Variants in RNF20 observed in about 807,000 individuals in gnomAD.
The protein encoded by RNF20 is E3 ubiquitin-protein ligase BRE1A.
In RNF20, 84 loss-of-function variants were observed where a neutral mutation model predicts 126.2. That is an observed-to-expected ratio of 0.67 (90% confidence interval 0.56 to 0.80). The LOEUF (loss-of-function observed/expected upper bound fraction) is 0.80. RNF20 is among the 30% of genes least tolerant of loss of function. The pLI is 0.00. For missense variants in RNF20, 869 were observed against 1,188.2 expected (o/e 0.73, Z 3.95); for synonymous variants, 400 against 414.3 (o/e 0.97, Z 0.42).
In RNF20 at chr9:101,561,131, A is replaced by G. The variant is rs1218589754; in HGVS notation, c.2550A>G (p.Gln850=). The G allele has an allele frequency of 1.9e-6, 3 of 1,613,920 alleles. No homozygotes were observed. The highest frequency in any genetic ancestry group is 2.5e-6 in the Non-Finnish European group (3 of 1,179,826). The stretch of plus-strand genomic sequence containing the variant: ...AGCTTGCAGATGACCTCAAAGCACA[A>G]CTGGAGTTGGCTCAGAAGAAGCTAC... ...AAQLADDLKA[Q]LELAQKKLHD... Residue 850 remains glutamine, a synonymous_variant, in exon 18 of 20, where the codon CAA becomes CAG. Transcript: ENST00000389120.
intron 6 of RNF20, among the ~76,000 whole-genome samples, chr9:101,546,586 T>C (rs892448997): frequency 1.3e-5 from 2 of 152,188 alleles, no homozygotes; most frequent in Admixed American, 6.5e-5. Context: ...TCTTAGGTGG[T>C]CTTTTCTTTG....
chr9:101,551,153 GAGA>G (rs1216928453), intron 10 of RNF20, among the ~76,000 whole-genome samples: 8 of 152,144 alleles, frequency 5.3e-5, no homozygotes, highest in East Asian at 1.9e-4. Flanking sequence ...TTGAAAGTAG[GAGA>G]AGAAGAATTC....
intron 2 of RNF20, among the ~76,000 whole-genome samples, chr9:101,537,337 A>G (rs1018909354): frequency 2.0e-5 from 3 of 152,168 alleles, no homozygotes. Flanking sequence ...TTTTGAAAGT[A>G]ATGGAATTTT....
intron 16 of RNF20, among the ~76,000 whole-genome samples, chr9:101,558,006 C>CTTTT (rs200617735): frequency 1.3e-4 from 17 of 127,654 alleles, no homozygotes; most frequent in Admixed American, 7.8e-4. Context: ...TGTGATTTTA[C>CTTTT]TTTTTTTTTT....
chr9:101,553,955 A>G lies in RNF20; in HGVS notation c.1902-33A>G, dbSNP rs746672372. 8.1e-6 allele frequency: 10 copies of G among 1,232,470 alleles called. 1 individual carries two copies. The South Asian group carries it at 1.1e-4, about 14-fold the overall frequency. 76.3% of individuals were successfully genotyped at this position (1,232,470 alleles called of 1,614,324 possible). On this transcript the variant is annotated intron_variant, in intron 13 of 19. Coordinates refer to ENST00000389120, the MANE Select transcript of RNF20 (RefSeq NM_019592.7). Reference sequence around the variant, plus strand: ...CTGATGACCTTTATTTTCTTATTACATTGTTCCCCTCCCTCTACTACGCCT... The same window carrying G: ...CTGATGACCTTTATTTTCTTATTACGTTGTTCCCCTCCCTCTACTACGCCT...
chr9:101,559,150 A>G (rs1186147640), intron 16 of RNF20, among the ~76,000 whole-genome samples: 1 of 152,170 alleles, frequency 6.6e-6, no homozygotes, highest in East Asian at 1.9e-4. Context: ...CATTTGTTGA[A>G]TAGGGTGTCC....
At chr9:101,534,643 T>C (rs1037690171) in intron 1 of RNF20, among the ~76,000 whole-genome samples, 4 of 152,206 alleles carry the variant, frequency 2.6e-5, no homozygotes, top group African/African-American at 9.7e-5. Flanking sequence ...AACTGAGGCT[T>C]AGAGATGATA....
chr9:101,544,560 T>G (rs1588218758), intron 5 of RNF20, among the ~76,000 whole-genome samples: 1 of 151,802 alleles, frequency 6.6e-6, no homozygotes, highest in East Asian at 1.9e-4. Flanking sequence ...ACAAAAATCA[T>G]CCGGGTGTGG....
Position 101,551,670 on chromosome 9 carries a change from TTATC to T in RNF20, c.1273-12_1273-9del. The T allele has an allele frequency of 7.7e-7, 1 of 1,306,860 alleles. No homozygotes were observed. Among genetic ancestry groups the T allele is most frequent in the Non-Finnish European group, 9.9e-7 (1 of 1,005,618 alleles). The allele number at this position is 1,306,860 out of a possible 1,614,324, so 81.0% of individuals were successfully genotyped here. ...AATAAGAATTTTTTTATTGGTTCCT[TTATC>T]TGTGTGTAGCGAGATGAGGTTAGTC... is the stretch of plus-strand genomic sequence containing the variant. On this transcript the variant is annotated splice_polypyrimidine_tract_variant and intron_variant, in intron 10 of 19. Transcript: ENST00000389120.
At chr9:101,562,046 C>G (rs1268249918) in intron 19 of RNF20, 35 bp downstream of exon 19, 1 of 1,498,896 alleles carries the variant, frequency 6.7e-7, no homozygotes, top group African/African-American at 1.4e-5. Flanking sequence ...AGTTTTTTGT[C>G]AAAGCTTTAA....
Position 101,552,349 on chromosome 9 carries a change from G to A in RNF20, c.1531-34G>A, listed in dbSNP as rs566871017. The A allele has an allele frequency of 8.2e-4, 1,313 of 1,609,562 alleles. 16 individuals are homozygous for A. The South Asian group carries it at 0.014, about 17-fold the overall frequency. On this transcript the variant is annotated intron_variant, in intron 12 of 19. Transcript: ENST00000389120. ...GAGGTCGGCAATGTGGTTATCATAA[G>A]AGATGTGCATCTTTCTTTTCTTTAT...
chr9:101,540,223 A>G lies in RNF20; in HGVS notation c.150A>G (p.Thr50=). The G allele has an allele frequency of 6.2e-7, 1 of 1,614,186 alleles. No homozygotes were observed. The change falls in exon 3 of 20, where the codon ACA becomes ACG. Residue 50 remains threonine, a synonymous_variant. Coordinates refer to ENST00000389120, the MANE Select transcript of RNF20 (RefSeq NM_019592.7). ...GGCAGGAGGAACTAGACATTAGAAC[A>G]CTGCAAACCAAAAATCGCAAGCTGG... ...VSSTEELDIR[T]LQTKNRKLAE... is the part of the protein sequence containing the mutation.
intron 15 of RNF20, among the ~76,000 whole-genome samples, 155 bp from the exon 16 acceptor site, chr9:101,557,229 G>A (rs1827549899): frequency 6.6e-6 from 1 of 152,198 alleles, no homozygotes; most frequent in Non-Finnish European, 1.5e-5. Flanking sequence ...AGATAATAGA[G>A]CTTCTGTATG....
chr9:101,540,378 A>C lies in RNF20; in HGVS notation c.297+8A>C. On this transcript the variant is annotated splice_region_variant and intron_variant, in intron 3 of 19. Coordinates refer to ENST00000389120, the MANE Select transcript of RNF20 (RefSeq NM_019592.7). The stretch of plus-strand genomic sequence containing the variant: ...AACCGATACTGGAGTCAGGTAGCTA[A>C]CTTGTTTATTTGTTCAGATTTTTAT... 1 of 1,613,948 alleles carries C rather than the reference A, an allele frequency of 6.2e-7. No homozygotes were observed.
At chr9:101,560,186 A>G (rs558921000) in intron 16 of RNF20, among the ~76,000 whole-genome samples, 2 of 152,144 alleles carry the variant, frequency 1.3e-5, no homozygotes, top group African/African-American at 2.4e-5. Context: ...TTCTGTTTAT[A>G]TGGTGTATCA....
chr9:101,545,476 A>C lies in RNF20; in HGVS notation c.747+591A>C, dbSNP rs539989683. 2.0e-5 allele frequency among the ~76,000 whole-genome samples: 3 copies of C among 152,318 alleles called. No individual in the cohort carries two copies. In the South Asian group the frequency reaches 6.2e-4, roughly 32 times the overall value. Reference sequence around the variant, plus strand: ...ACAACTCCCATTTTATTGCCAAAGAAACAAATTCAAAGAGGTTAGTGATTA... The same window carrying C: ...ACAACTCCCATTTTATTGCCAAAGACACAAATTCAAAGAGGTTAGTGATTA... On this transcript the variant is annotated intron_variant, in intron 6 of 19. Coordinates refer to ENST00000389120, the MANE Select transcript of RNF20 (RefSeq NM_019592.7).
chr9:101,547,872 A>G (rs2118701906), intron 9 of RNF20, among the ~76,000 whole-genome samples: 1 of 152,338 alleles, frequency 6.6e-6, no homozygotes, highest in South Asian at 2.1e-4. Context: ...AGGAAGAGGT[A>G]AAGTTGTTTC....
intron 16 of RNF20, among the ~76,000 whole-genome samples, chr9:101,558,953 C>CT (rs755343967): frequency 5.3e-5 from 8 of 152,066 alleles, no homozygotes; most frequent in Non-Finnish European, 7.4e-5. Flanking sequence ...CTTTTGGGTT[C>CT]TTGGTCATGA....
rs373104082 is a variant in RNF20 at position 101,562,003 on chromosome 9, G to T, written c.2743G>T (p.Asp915Tyr). The T allele has an allele frequency of 4.4e-6, 7 of 1,605,118 alleles. No individual in the cohort carries two copies. The highest frequency in any genetic ancestry group is 1.3e-5 in the African/African-American group (1 of 74,372). ...CDEILMEEIK[D>Y]YKARLTCPCC... ...TGAGATTCTGATGGAAGAGATTAAGGATTACAAGGTTAGAAAAAATGCCTT... is the reference window on the plus strand; with the variant it reads ...TGAGATTCTGATGGAAGAGATTAAGTATTACAAGGTTAGAAAAAATGCCTT... Residue 915 changes from aspartate (D) to tyrosine (Y), a missense_variant, in exon 19 of 20, where the codon GAT (aspartate) becomes TAT (tyrosine). Asp to Tyr is a radical substitution (Grantham distance 160). This residue lies in a region of RNF20 where 150 missense variants were observed against 173.7 expected (regional missense o/e 0.86). Coordinates refer to ENST00000389120, the MANE Select transcript of RNF20 (RefSeq NM_019592.7).
Sources: gnomAD v4.1 joint callset for allele counts (sites outside exome capture counted in the v4.1 genomes callset) on GRCh38, gnomAD v4.1.1 for gene constraint, gnomAD v4.1.1 regional missense constraint, MANE v1.5 for transcripts, NCBI Gene and HGNC (gene_info 2026-07-23, HGNC 2026-07-21) for gene names.